The following NBN variants were observed in gnomAD, a reference collection of about 807,000 sequenced individuals.
NBN encodes Nijmegen breakage syndrome 1 (nibrin).
In NBN, 88 loss-of-function variants were observed where a neutral mutation model predicts 90.8. That is an observed-to-expected ratio of 0.97 (90% CI 0.82 to 1.16). NBN has a LOEUF of 1.16. NBN is among the 50% of genes most tolerant of loss of function. The probability of loss-of-function intolerance (pLI) is 0.00; values close to 1 mark genes in which losing one functional copy is unlikely to be tolerated. For synonymous variants in NBN, 328 were observed against 295.1 expected (o/e 1.11, Z -1.14); for missense variants, 894 against 869.6 (o/e 1.03, Z -0.35).
Position 89,980,807 on chromosome 8 carries a change from C to A in NBN, c.407G>T (p.Gly136Val). ...TGTCCAATTGTTTACAGTAAATCCT[C>A]CAAGTTGCAATATAGCTTGATTTAA... is the stretch of plus-strand genomic sequence containing the variant. ...TALNQAILQL[G>V]GFTVNNWTEE... The change falls in exon 4 of 16, where the codon GGA becomes GTA. Residue 136 changes from glycine (G) to valine (V), a missense_variant. Transcript: ENST00000265433. The A allele has an allele frequency of 6.2e-7, 1 of 1,613,374 alleles. No individual in the cohort carries two copies. The highest frequency in any genetic ancestry group is 8.5e-7 in the Non-Finnish European group (1 of 1,179,500).
rs544035386 is a variant in NBN, at chr8:89,958,327, C to G, written c.1124+398G>C. On this transcript the variant is annotated intron_variant, in intron 9 of 15. Transcript: ENST00000265433. ...CCTGGGCTATCTATACTATACAGTA[C>G]GCTATACCATGTAGGTTTATGTCAA... Among the ~76,000 whole-genome samples, 3 of 152,306 alleles carry G rather than the reference C, an allele frequency of 2.0e-5. No homozygotes were observed. The East Asian group carries it at 5.8e-4, about 29-fold the overall frequency.
chr8:89,982,913 G>A (rs578258762), intron 1 of NBN, 58 bp from the exon 2 acceptor site: 2 of 1,524,812 alleles, frequency 1.3e-6, no homozygotes, highest in Non-Finnish European at 9.1e-7. Flanking sequence ...ACATGTACAC[G>A]AACACACACA....
chr8:89,955,034 T>C (rs544702154), intron 10 of NBN, among the ~76,000 whole-genome samples: 26 of 152,172 alleles, frequency 1.7e-4, no homozygotes, highest in African/African-American at 2.2e-4. Flanking sequence ...AGGGGGTTAG[T>C]TCTTATTGAA....
chr8:89,938,210 A>G (rs920475119), intron 14 of NBN, among the ~76,000 whole-genome samples: 3 of 152,220 alleles, frequency 2.0e-5, no homozygotes, highest in African/African-American at 7.2e-5. Flanking sequence ...AAATACAGAT[A>G]GAGTAAGTCC....
intron 9 of NBN, among the ~76,000 whole-genome samples, chr8:89,956,807 A>T (rs1810735467): frequency 6.6e-6 from 1 of 152,222 alleles, no homozygotes; most frequent in Non-Finnish European, 1.5e-5. Flanking sequence ...AGTCACAGAC[A>T]CTATATAATG....
intron 14 of NBN, 61 bp from the exon 15 acceptor site, chr8:89,937,136 G>T (rs1008142830): frequency 1.4e-6 from 2 of 1,480,724 alleles, no homozygotes; most frequent in Non-Finnish European, 1.9e-6. Context: ...TTAATGAATT[G>T]CTATAGTGAT....
At chr8:89,972,828 TAC>T (rs758648157) in intron 5 of NBN, among the ~76,000 whole-genome samples, 7 of 152,258 alleles carry the variant, frequency 4.6e-5, no homozygotes, top group Non-Finnish European at 1.0e-4. Flanking sequence ...GACTGTGTGT[TAC>T]AGTCAAACAT....
intron 10 of NBN, among the ~76,000 whole-genome samples, chr8:89,955,070 C>CTT (rs1563530143): frequency 6.6e-6 from 1 of 151,922 alleles, no homozygotes; most frequent in African/African-American, 2.4e-5. Context: ...TAAAATAACA[C>CTT]GTAAGTACAT....
chr8:89,965,489 ATT>A (rs562223469), intron 7 of NBN, among the ~76,000 whole-genome samples: 2 of 144,848 alleles, frequency 1.4e-5, no homozygotes, highest in African/African-American at 2.5e-5. Flanking sequence ...CATTGTAAAG[ATT>A]TTTTTTTTTT....
Position 89,933,728 on chromosome 8 carries a change from G to GA in NBN, c.*1853dup. ...TGGAGAGAAAAAATATCAAACAAAA[G>GA]AAAAAAATAAATTTGACCTTGTCAA... On this transcript the variant is annotated 3_prime_UTR_variant, in exon 16 of 16. Coordinates refer to ENST00000265433, the MANE Select transcript of NBN (RefSeq NM_002485.5). 1 of 231,880 alleles carries GA rather than the reference G, an allele frequency of 4.3e-6. No individual in the cohort carries two copies. The highest frequency in any genetic ancestry group is 2.2e-5 in the African/African-American group (1 of 45,300). 14.4% of individuals were successfully genotyped at this position (231,880 alleles called of 1,614,324 possible). A position where few individuals can be genotyped will look rare whatever the true frequency, so the allele number is the denominator to read the frequency against.
chr8:89,955,677 A>C, intron 9 of NBN, 122 bp from the exon 10 acceptor site: 1 of 1,111,918 alleles, frequency 9.0e-7, no homozygotes. Context: ...TTAGACAAAA[A>C]TACACTGAAT....
At chr8:89,975,755 C>A (rs745726253) in intron 5 of NBN, among the ~76,000 whole-genome samples, 8 of 152,080 alleles carry the variant, frequency 5.3e-5, no homozygotes, top group Non-Finnish European at 1.0e-4. Context: ...GAGGAATCAA[C>A]GACTAATTCT....
At chr8:89,967,241 G>C (rs1811297158) in intron 7 of NBN, among the ~76,000 whole-genome samples, 1 of 152,162 alleles carries the variant, frequency 6.6e-6, no homozygotes, top group Admixed American at 6.5e-5. Context: ...GGGTGGGTGT[G>C]TCAGTGTGCC....
intron 14 of NBN, among the ~76,000 whole-genome samples, chr8:89,939,706 A>G (rs1418182140): frequency 1.3e-5 from 2 of 152,226 alleles, no homozygotes; most frequent in Non-Finnish European, 2.9e-5. Context: ...ATTTGGGGAA[A>G]AGGTAACCTG....
chr8:89,966,154 A>G (rs918991449), intron 7 of NBN, among the ~76,000 whole-genome samples: 2 of 152,250 alleles, frequency 1.3e-5, no homozygotes, highest in African/African-American at 4.8e-5. Context: ...GTCAACAGTG[A>G]GATAAATGTG....
intron 7 of NBN, among the ~76,000 whole-genome samples, chr8:89,969,665 GTA>G (rs1204753378): frequency 5.3e-5 from 8 of 152,106 alleles, no homozygotes; most frequent in African/African-American, 1.9e-4. Flanking sequence ...ATTAATTCTT[GTA>G]TCGGCCGGGC....
intron 9 of NBN, among the ~76,000 whole-genome samples, chr8:89,957,603 C>T (rs1477749400): frequency 6.6e-6 from 1 of 152,196 alleles, no homozygotes; most frequent in African/African-American, 2.4e-5. Flanking sequence ...TTACCCAGAA[C>T]AGCTTCCAGT....
chr8:89,984,605 C>T lies in NBN; in HGVS notation c.-44G>A, dbSNP rs1376669831. 1.2e-6 allele frequency: 2 copies of T among 1,609,882 alleles called. No homozygotes were observed. The highest frequency in any genetic ancestry group is 2.2e-5 in the East Asian group (1 of 44,696). On this transcript the variant is annotated 5_prime_UTR_variant, in exon 1 of 16. Transcript: ENST00000265433. ...CTGGGGCCGACGTGCAACCGCGTAA[C>T]CGGGGCTGCTAGACGAGCGCGGATA...
chr8:89,946,483 T>G (rs551406638), intron 12 of NBN, 188 bp from the exon 13 acceptor site: 164 of 577,116 alleles, frequency 2.8e-4, no homozygotes, highest in African/African-American at 2.7e-3. Flanking sequence ...AATTACTTAC[T>G]CAAATGCTCT....
Sources: allele counts gnomAD v4.1 joint callset (sites outside exome capture counted in the v4.1 genomes callset), GRCh38; gene constraint gnomAD v4.1.1; transcripts MANE v1.5; gene names NCBI Gene and HGNC (gene_info 2026-07-23, HGNC 2026-07-21).